DCLK1: variants seen among roughly 807,000 people sequenced by gnomAD.
DCLK1 encodes doublecortin like kinase 1, also known as serine/threonine-protein kinase DCLK1.
A neutral mutation model predicts 86.2 loss-of-function variants in DCLK1; 16 were observed. That is an observed-to-expected ratio of 0.19 (90% confidence interval 0.13 to 0.28). DCLK1 has a LOEUF of 0.28. Ranked by LOEUF, DCLK1 falls within the 10% of genes least tolerant of loss-of-function variation. The pLI is 1.00. For synonymous variants in DCLK1, 369 were observed against 370.5 expected, an observed-to-expected ratio of 1.00 and a Z score of 0.05; for missense variants, 590 against 940.2, an observed-to-expected ratio of 0.63 and a Z score of 4.87.
chr13:35,849,144 T>G, intron 6 of DCLK1: 2 of 985,382 alleles, frequency 2.0e-6, no homozygotes, highest in Non-Finnish European at 2.4e-6. Context: ...TTAGATTGCC[T>G]GGACGTTTTT....
chr13:35,942,626 G>A (rs1319615450), intron 4 of DCLK1, among the ~76,000 whole-genome samples: 1 of 152,116 alleles, frequency 6.6e-6, no homozygotes, highest in Non-Finnish European at 1.5e-5. Context: ...ATCTCCTCCG[G>A]CACATTTGAC....
chr13:35,776,558 C>T (rs1330093022), intron 16 of DCLK1, among the ~76,000 whole-genome samples: 4 of 152,186 alleles, frequency 2.6e-5, no homozygotes, highest in African/African-American at 9.7e-5. Context: ...ACCATCCACC[C>T]AGGTTTCTCA....
intron 3 of DCLK1, among the ~76,000 whole-genome samples, chr13:36,071,308 C>G (rs1194989771): frequency 6.6e-6 from 1 of 152,048 alleles, no homozygotes; most frequent in Non-Finnish European, 1.5e-5. Context: ...CAAAATACAA[C>G]TTCATTTTAA....
rs187366991 is a variant in DCLK1 at position 35,964,757 on chromosome 13, G to A, written c.724-17300C>T. Among the ~76,000 whole-genome samples the A allele has an allele frequency of 1.3e-4, 20 of 149,244 alleles. No individual in the cohort carries two copies. In the East Asian group the frequency reaches 3.8e-3, roughly 28 times the overall value. ...TTTGTACAGCCCTTGAGCTAAGAAT[G>A]GTTTTTACATTTTAAAATGGTTGGA... On this transcript the variant is annotated intron_variant, in intron 3 of 16. Coordinates refer to ENST00000360631, the MANE Select transcript of DCLK1 (RefSeq NM_001330071.2).
chr13:36,121,862 T>G lies in DCLK1; in HGVS notation c.376+3900A>C, dbSNP rs564963681. 5.9e-5 allele frequency among the ~76,000 whole-genome samples: 9 copies of G among 152,198 alleles called. No homozygotes were observed. The South Asian group carries it at 1.7e-3, about 28-fold the overall frequency. ...GCCTCACGCCTGAAATCCCAGCATT[T>G]TGGGAGGCTGAGGTGGGTGGATGGC... On this transcript the variant is annotated intron_variant, in intron 2 of 16. Transcript: ENST00000360631.
At chr13:36,015,418 A>AT (rs1203982219) in intron 3 of DCLK1, among the ~76,000 whole-genome samples, 3 of 152,166 alleles carry the variant, frequency 2.0e-5, no homozygotes, top group Non-Finnish European at 2.9e-5. Context: ...CAGCTTTTTA[A>AT]TTTTTTCCAA....
chr13:35,822,971 T>C (rs2087432380), intron 10 of DCLK1, 96 bp from the exon 11 acceptor site: 5 of 1,429,926 alleles, frequency 3.5e-6, no homozygotes, highest in South Asian at 1.3e-5. Flanking sequence ...ACAGGAAGAA[T>C]GGATGTGGAA....
chr13:35,850,498 TC>T, intron 6 of DCLK1: 1 of 1,203,182 alleles, frequency 8.3e-7, no homozygotes, highest in Non-Finnish European at 1.0e-6. Flanking sequence ...GTTCAAACTC[TC>T]CCCAATCAAA....
intron 3 of DCLK1, among the ~76,000 whole-genome samples, chr13:36,048,500 A>G (rs374160740): frequency 6.6e-6 from 1 of 152,188 alleles, no homozygotes; most frequent in Non-Finnish European, 1.5e-5. Context: ...ATTATAAAGA[A>G]TGTATATTCT....
intron 10 of DCLK1, among the ~76,000 whole-genome samples, chr13:35,826,680 A>G (rs906213778): frequency 5.9e-5 from 9 of 152,078 alleles, no homozygotes; most frequent in Non-Finnish European, 1.3e-4. Context: ...CAAAAACTTA[A>G]AGACCCTAGA....
chr13:36,068,555 G>A (rs865844953), intron 3 of DCLK1, among the ~76,000 whole-genome samples: 1 of 108,218 alleles, frequency 9.2e-6, no homozygotes, highest in Non-Finnish European at 1.9e-5. Flanking sequence ...AATCTTGATA[G>A]AGAACAGTCT....
chr13:35,934,633 T>A (rs143764877), intron 4 of DCLK1, among the ~76,000 whole-genome samples: 3,384 of 152,204 alleles, frequency 0.022, 114 homozygotes, highest in African/African-American at 0.076. Context: ...TCTCACTGGG[T>A]CCCTCCCACA....
At position 35,805,788 on chromosome 13, in the gene DCLK1, G is replaced by A. The variant is rs765155692; in HGVS notation, c.1864-9C>T. The A allele has an allele frequency of 2.5e-6, 4 of 1,611,588 alleles. No individual in the cohort carries two copies. The East Asian group carries it at 6.7e-5, about 27-fold the overall frequency. On this transcript the variant is annotated splice_polypyrimidine_tract_variant and intron_variant, in intron 14 of 16. Transcript: ENST00000360631. The stretch of plus-strand genomic sequence containing the variant: ...ATCATGGTAATGAGCTCCTGTGAAG[G>A]GGAACGTTAGAGTCCATTTATCTGA...
At chr13:35,938,008 A>C (rs1186267146) in intron 4 of DCLK1, among the ~76,000 whole-genome samples, 1 of 152,184 alleles carries the variant, frequency 6.6e-6, no homozygotes, top group African/African-American at 2.4e-5. Flanking sequence ...AACAGTAGGA[A>C]CAGAACACTG....
At chr13:36,082,170 ACT>A (rs888451073) in intron 3 of DCLK1, among the ~76,000 whole-genome samples, 1 of 151,658 alleles carries the variant, frequency 6.6e-6, no homozygotes, top group Non-Finnish European at 1.5e-5. Context: ...ACCTCTTCTG[ACT>A]CTGCCATCTG....
At chr13:35,892,083 G>T (rs1243423861) in intron 4 of DCLK1, among the ~76,000 whole-genome samples, 1 of 151,952 alleles carries the variant, frequency 6.6e-6, no homozygotes, top group East Asian at 1.9e-4. Context: ...CATATCATAG[G>T]GCAGTTTTAT....
At chr13:36,093,869 A>G (rs539810125) in intron 3 of DCLK1, among the ~76,000 whole-genome samples, 7 of 152,190 alleles carry the variant, frequency 4.6e-5, no homozygotes, top group Non-Finnish European at 8.8e-5. Flanking sequence ...TGTCTTACAT[A>G]TTTTCAGGTA....
chr13:35,951,689 T>A (rs1877702743), intron 3 of DCLK1, among the ~76,000 whole-genome samples: 1 of 152,006 alleles, frequency 6.6e-6, no homozygotes, highest in Non-Finnish European at 1.5e-5. Flanking sequence ...AGACTTATGA[T>A]CCAAATAATT....
At chr13:35,885,222 G>C (rs1873155859) in intron 4 of DCLK1, among the ~76,000 whole-genome samples, 1 of 152,026 alleles carries the variant, frequency 6.6e-6, no homozygotes. Flanking sequence ...AATCCACTTT[G>C]GGTAAATGAG....
Sources: gnomAD v4.1 joint callset for allele counts (sites outside exome capture counted in the v4.1 genomes callset) on GRCh38, gnomAD v4.1.1 for gene constraint, MANE v1.5 for transcripts, NCBI Gene and HGNC (gene_info 2026-07-23, HGNC 2026-07-21) for gene names.